SHCBP1L: variants seen among roughly 807,000 people sequenced by gnomAD.
SHCBP1L encodes SHC binding and spindle associated 1 like.
A neutral mutation model predicts 62.5 loss-of-function variants in SHCBP1L; 67 were observed. The ratio of observed to expected loss-of-function variants is 1.07; its 90% confidence interval spans 0.88 to 1.31. The LOEUF (loss-of-function observed/expected upper bound fraction) is 1.31. SHCBP1L is among the 40% of genes most tolerant of loss of function. The pLI, the probability that SHCBP1L is intolerant of heterozygous loss-of-function variation, is 0.00. For missense variants in SHCBP1L, 823 were observed against 809.8 expected (o/e 1.02, Z -0.20); for synonymous variants, 284 against 289.4 (o/e 0.98, Z 0.19).
intron 6 of SHCBP1L, among the ~76,000 whole-genome samples, chr1:182,925,485 A>G (rs1407189049): frequency 6.6e-6 from 1 of 152,204 alleles, no homozygotes; most frequent in Non-Finnish European, 1.5e-5. Context: ...CAAAACTACA[A>G]TGAAATACCA....
chr1:182,940,319 G>A lies in SHCBP1L; in HGVS notation c.770+10C>T. 1 of 1,604,904 alleles carries A rather than the reference G, an allele frequency of 6.2e-7. No homozygotes were observed. The highest frequency in any genetic ancestry group is 8.5e-7 in the Non-Finnish European group (1 of 1,174,718). ...ATAAATTTAATTTTCAAAAGTAAAG[G>A]CCCTAATACCTGACAACTTCCAAGG... On this transcript the variant is annotated intron_variant, in intron 3 of 9. Coordinates refer to ENST00000367547, the MANE Select transcript of SHCBP1L (RefSeq NM_030933.4).
At chr1:182,906,289 A>G (rs1650010884) in intron 6 of SHCBP1L, among the ~76,000 whole-genome samples, 1 of 152,090 alleles carries the variant, frequency 6.6e-6, no homozygotes, top group African/African-American at 2.4e-5. Flanking sequence ...CCTTGGCAAG[A>G]TTAAATGAAT....
intron 5 of SHCBP1L, among the ~76,000 whole-genome samples, chr1:182,938,665 G>T (rs561952168): frequency 3.9e-5 from 6 of 152,182 alleles, no homozygotes; most frequent in South Asian, 2.1e-4. Context: ...TAGAGATGGG[G>T]CCTCAATATG....
chr1:182,928,247 CTT>C (rs1650849290), intron 6 of SHCBP1L, among the ~76,000 whole-genome samples: 1 of 152,064 alleles, frequency 6.6e-6, no homozygotes, highest in Non-Finnish European at 1.5e-5. Context: ...ACTAACCTCT[CTT>C]GTTACATACA....
At position 182,953,104 on chromosome 1, in the gene SHCBP1L, G is replaced by A. The variant is rs1376020945; in HGVS notation, c.30C>T (p.Pro10=). ...GGCTGATGGTGCGGAATGAGTCCGC[G>A]GGCACCGAGGCCTTGGAGCCCGACG... is the stretch of plus-strand genomic sequence containing the variant. MASGSKASV[P]ADSFRTISPD... is the part of the protein sequence containing the mutation. The change falls in exon 1 of 10, where the codon CCC becomes CCT. Residue 10 remains proline (P), a synonymous_variant. Coordinates refer to ENST00000367547, the MANE Select transcript of SHCBP1L (RefSeq NM_030933.4). 1.3e-6 allele frequency: 2 copies of A among 1,573,680 alleles called. No individual in the cohort carries two copies. The highest frequency in any genetic ancestry group is 1.7e-6 in the Non-Finnish European group (2 of 1,167,850).
chr1:182,938,446 A>G (rs537721237), intron 5 of SHCBP1L, among the ~76,000 whole-genome samples: 143 of 150,594 alleles, frequency 9.5e-4, no homozygotes, highest in Non-Finnish European at 1.4e-3. Context: ...GACAGGGTCA[A>G]AAAAACAAAC....
In SHCBP1L at chr1:182,924,760, GAAAGAAAGAAAGAAAGAAAGAAAGAA is replaced by G. The variant is rs1557996721; in HGVS notation, c.1182+4861_1182+4886del. Among the ~76,000 whole-genome samples the G allele has an allele frequency of 6.8e-5, 6 of 88,584 alleles. No individual in the cohort carries two copies. The East Asian group carries it at 1.1e-3, about 16-fold the overall frequency. The allele number at this position is 88,584 out of a possible 152,430, so 58.1% of individuals were successfully genotyped here. ...AGAAAGAAAGAAAGAAAGAAAGAAA[GAAAGAAAGAAAGAAAGAAAGAAAGAA>G]AGAGAGAAAGAAAGGAAGGAAGGAA... On this transcript the variant is annotated intron_variant, in intron 6 of 9. Transcript: ENST00000367547.
At chr1:182,926,439 A>G (rs908637285) in intron 6 of SHCBP1L, among the ~76,000 whole-genome samples, 2 of 152,228 alleles carry the variant, frequency 1.3e-5, no homozygotes, top group Non-Finnish European at 2.9e-5. Flanking sequence ...TAATAATATC[A>G]GTTGACATTT....
At chr1:182,908,026 C>T (rs77427997) in intron 6 of SHCBP1L, among the ~76,000 whole-genome samples, 6,744 of 152,246 alleles carry the variant, frequency 0.044, 232 homozygotes, top group South Asian at 0.14. Context: ...TGCATATATT[C>T]ATTTATTCAT....
intron 7 of SHCBP1L, among the ~76,000 whole-genome samples, chr1:182,905,105 AAG>A (rs1021330691): frequency 5.3e-5 from 8 of 152,226 alleles, no homozygotes; most frequent in Non-Finnish European, 1.2e-4. Flanking sequence ...CAACGTCAAA[AAG>A]AGAGAAAGTT....
intron 3 of SHCBP1L, 30 bp from the exon 4 acceptor site, chr1:182,939,583 A>C: frequency 6.6e-7 from 1 of 1,506,292 alleles, no homozygotes; most frequent in Admixed American, 2.0e-5. Context: ...GATGACAGTA[A>C]TCAAAAACAG....
intron 6 of SHCBP1L, among the ~76,000 whole-genome samples, chr1:182,927,166 G>A (rs1650791234): frequency 6.8e-6 from 1 of 146,246 alleles, no homozygotes; most frequent in African/African-American, 2.6e-5. Context: ...TTGAGGCTTA[G>A]AGGTTATGCG....
intron 5 of SHCBP1L, among the ~76,000 whole-genome samples, chr1:182,933,143 A>T (rs1176976855): frequency 6.6e-6 from 1 of 151,966 alleles, no homozygotes; most frequent in Non-Finnish European, 1.5e-5. Flanking sequence ...TGACCTTGTG[A>T]TCTGCCTGCC....
At chr1:182,947,052 C>T (rs920968989) in intron 2 of SHCBP1L, among the ~76,000 whole-genome samples, 1 of 152,022 alleles carries the variant, frequency 6.6e-6, no homozygotes, top group Non-Finnish European at 1.5e-5. Flanking sequence ...GCCTCGGCAA[C>T]ATGGTGAAAC....
rs1651816601 is a variant in SHCBP1L at position 182,952,638 on chromosome 1, T to C, written c.405+91A>G. ...GCAAGTTTTCGTTGTGCCCTGTGGA[T>C]CCCCATCCGCCTAAGAGGGAAGCCC... On this transcript the variant is annotated intron_variant, in intron 1 of 9. Transcript: ENST00000367547. 1.2e-5 allele frequency: 17 copies of C among 1,426,086 alleles called. No individual in the cohort carries two copies. The South Asian group carries it at 2.2e-4, about 18-fold the overall frequency. The allele number at this position is 1,426,086 out of a possible 1,614,324, so 88.3% of individuals were successfully genotyped here. A position where few individuals can be genotyped will look rare whatever the true frequency, so the allele number is the denominator to read the frequency against.
At chr1:182,952,599 T>G (rs1651814240) in intron 1 of SHCBP1L, 130 bp downstream of exon 1, 1 of 1,087,696 alleles carries the variant, frequency 9.2e-7, no homozygotes, top group East Asian at 2.8e-5. Context: ...TGACTCCATT[T>G]ACTTTTTTGA....
At position 182,899,882 on chromosome 1, in the gene SHCBP1L, T is replaced by C. The variant is rs1045231582; in HGVS notation, c.*101A>G. The C allele has an allele frequency of 2.0e-6, 2 of 985,014 alleles. No homozygotes were observed. The highest frequency in any genetic ancestry group is 2.9e-6 in the Non-Finnish European group (2 of 700,594). The allele number at this position is 985,014 out of a possible 1,614,324, so 61.0% of individuals were successfully genotyped here. Reference sequence around the variant, plus strand: ...TGAAAGCATGATATTTAAATATTTTTTAATTAAGCTTTGAATTGAAACTAC... The same window carrying C: ...TGAAAGCATGATATTTAAATATTTTCTAATTAAGCTTTGAATTGAAACTAC... On this transcript the variant is annotated 3_prime_UTR_variant, in exon 10 of 10. Transcript: ENST00000367547.
chr1:182,942,674 TA>T (rs1218759362), intron 2 of SHCBP1L, among the ~76,000 whole-genome samples: 1 of 152,238 alleles, frequency 6.6e-6, no homozygotes, highest in Non-Finnish European at 1.5e-5. Context: ...AAAAATTTAA[TA>T]AATTACACAT....
chr1:182,918,820 T>C (rs1008906044), intron 6 of SHCBP1L, among the ~76,000 whole-genome samples: 10 of 152,230 alleles, frequency 6.6e-5, no homozygotes, highest in African/African-American at 2.4e-4. Flanking sequence ...ACCAGTGGGA[T>C]AGAACTGAAA....
Sources: allele counts gnomAD v4.1 joint callset (sites outside exome capture counted in the v4.1 genomes callset), GRCh38; gene constraint gnomAD v4.1.1; transcripts MANE v1.5; gene names NCBI Gene and HGNC (gene_info 2026-07-23, HGNC 2026-07-21).